Variants in ATP13A4 observed in about 807,000 individuals in gnomAD.
ATP13A4 encodes probable cation-transporting ATPase 13A4.
In ATP13A4, 114 loss-of-function variants were observed where a neutral mutation model predicts 142.5. That is an observed-to-expected ratio of 0.80 (90% confidence interval 0.69 to 0.93). ATP13A4 has a LOEUF of 0.93. ATP13A4 is among the 40% of genes least tolerant of loss of function. The pLI is 0.00. For synonymous variants in ATP13A4, 488 were observed against 514.8 expected (o/e 0.95, Z 0.70); for missense variants, 1,392 against 1,454.0 (o/e 0.96, Z 0.69).
intron 2 of ATP13A4, among the ~76,000 whole-genome samples, chr3:193,502,982 T>C (rs901681458): frequency 1.8e-4 from 27 of 150,686 alleles, no homozygotes; most frequent in African/African-American, 5.1e-4. Context: ...AAGGCTTAAC[T>C]CAAATTCCAC....
chr3:193,456,192 G>T (rs1212834717), intron 16 of ATP13A4, among the ~76,000 whole-genome samples: 1 of 152,052 alleles, frequency 6.6e-6, no homozygotes, highest in East Asian at 1.9e-4. Flanking sequence ...AAAAAGGAGT[G>T]AAATTGAAAA....
At chr3:193,534,653 A>G (rs1457925270) in intron 1 of ATP13A4, among the ~76,000 whole-genome samples, 1 of 152,200 alleles carries the variant, frequency 6.6e-6, no homozygotes, top group Non-Finnish European at 1.5e-5. Context: ...GAAAAATAGA[A>G]CAAAAATAGT....
intron 2 of ATP13A4, among the ~76,000 whole-genome samples, chr3:193,574,471 C>A (rs997021945): frequency 1.3e-5 from 2 of 152,224 alleles, no homozygotes; most frequent in South Asian, 4.1e-4. Context: ...GTAATCCCAG[C>A]ACTTTGGGAG....
At chr3:193,434,976 C>T (rs1716180758) in intron 24 of ATP13A4, among the ~76,000 whole-genome samples, 1 of 152,142 alleles carries the variant, frequency 6.6e-6, no homozygotes, top group Admixed American at 6.5e-5. Context: ...AATACAAAAA[C>T]TTAAATTATA....
At chr3:193,448,354 T>G (rs763967413) in intron 17 of ATP13A4, 24 bp from the exon 18 acceptor site, 1 of 1,612,640 alleles carries the variant, frequency 6.2e-7, no homozygotes, top group Non-Finnish European at 8.5e-7. Flanking sequence ...TATAGATGTA[T>G]TGAACAGAAA....
intron 16 of ATP13A4, among the ~76,000 whole-genome samples, chr3:193,456,343 C>A (rs547970700): frequency 6.6e-6 from 1 of 152,030 alleles, no homozygotes; most frequent in Non-Finnish European, 1.5e-5. Context: ...TACATACCAG[C>A]CTGGGAGGAG....
chr3:193,531,294 G>T (rs997234303), intron 1 of ATP13A4, among the ~76,000 whole-genome samples: 5 of 113,780 alleles, frequency 4.4e-5, no homozygotes, highest in Admixed American at 8.7e-5. Flanking sequence ...GAGGGAGGGA[G>T]GGAGGAAGGA....
intron 2 of ATP13A4, among the ~76,000 whole-genome samples, chr3:193,509,520 C>G (rs1309480111): frequency 6.6e-6 from 1 of 152,216 alleles, no homozygotes; most frequent in Non-Finnish European, 1.5e-5. Context: ...CACTTGGTCT[C>G]TTTGTATCCT....
chr3:193,473,445 T>C (rs1181706415), intron 8 of ATP13A4, among the ~76,000 whole-genome samples: 4 of 152,146 alleles, frequency 2.6e-5, no homozygotes, highest in Admixed American at 2.6e-4. Context: ...TTGGCAACTA[T>C]CAAAGTAATA....
At chr3:193,423,971 C>T (rs533280520) in intron 25 of ATP13A4, among the ~76,000 whole-genome samples, 18 of 149,562 alleles carry the variant, frequency 1.2e-4, no homozygotes, top group African/African-American at 4.4e-4. Context: ...TAAATAAATT[C>T]AGTAAATCTT....
At chr3:193,545,918 C>T (rs185311306) in intron 1 of ATP13A4, among the ~76,000 whole-genome samples, 3 of 150,576 alleles carry the variant, frequency 2.0e-5, no homozygotes, top group East Asian at 3.9e-4. Context: ...ATGAGTATTA[C>T]TTAAATTTCT....
intron 3 of ATP13A4, among the ~76,000 whole-genome samples, chr3:193,496,579 T>G (rs1720238911): frequency 6.6e-6 from 1 of 151,884 alleles, no homozygotes; most frequent in Non-Finnish European, 1.5e-5. Context: ...TCACTTGAGG[T>G]CAGGAGTTTG....
At chr3:193,467,545 G>A in intron 9 of ATP13A4, 59 bp from the exon 10 acceptor site, 1 of 1,534,578 alleles carries the variant, frequency 6.5e-7, no homozygotes, top group East Asian at 2.2e-5. Flanking sequence ...TTTAAATCAT[G>A]CCTGCACCCA....
chr3:193,501,246 AT>A (rs1291047519), intron 3 of ATP13A4, among the ~76,000 whole-genome samples: 1 of 152,158 alleles, frequency 6.6e-6, no homozygotes, highest in Non-Finnish European at 1.5e-5. Context: ...GGAAACTATT[AT>A]TTGGAGGTAC....
intron 2 of ATP13A4, among the ~76,000 whole-genome samples, chr3:193,506,769 C>T (rs139467489): frequency 7.0e-4 from 106 of 152,244 alleles, no homozygotes; most frequent in African/African-American, 2.4e-3. Context: ...GGGGCTTTCA[C>T]CCTTTTGCTT....
At chr3:193,545,244 C>T (rs781605100) in intron 1 of ATP13A4, among the ~76,000 whole-genome samples, 6 of 152,156 alleles carry the variant, frequency 3.9e-5, no homozygotes, top group Non-Finnish European at 7.3e-5. Flanking sequence ...AATCCTTCAG[C>T]CATAGTTCCC....
chr3:193,422,637 T>A (rs1455484592), intron 25 of ATP13A4, among the ~76,000 whole-genome samples: 1 of 149,232 alleles, frequency 6.7e-6, no homozygotes, highest in African/African-American at 2.5e-5. Flanking sequence ...AACCAATGAG[T>A]CAATGAAGAA....
intron 1 of ATP13A4, among the ~76,000 whole-genome samples, chr3:193,591,760 T>C (rs1169433975): frequency 6.6e-6 from 1 of 152,242 alleles, no homozygotes. Context: ...TTCTCCTTTT[T>C]TTATGGTTAA....
intron 12 of ATP13A4, 152 bp downstream of exon 12, chr3:193,464,788 A>G (rs1718165309): frequency 7.1e-6 from 6 of 846,624 alleles, no homozygotes; most frequent in Non-Finnish European, 1.1e-5. Flanking sequence ...CTCAAGAGAC[A>G]TATCTTTCCC....
Sources: gnomAD v4.1 joint callset for allele counts (sites outside exome capture counted in the v4.1 genomes callset) on GRCh38, gnomAD v4.1.1 for gene constraint, MANE v1.5 for transcripts, NCBI Gene and HGNC (gene_info 2026-07-23, HGNC 2026-07-21) for gene names.